Variants in TTLL9 observed in about 807,000 individuals in gnomAD.
TTLL9 encodes tubulin tyrosine ligase like 9, also known as probable tubulin polyglutamylase TTLL9.
Under a neutral mutation model 65.6 loss-of-function variants are expected in TTLL9, and 47 were observed. The observed-to-expected ratio is 0.72, with a 90% CI of 0.57 to 0.91. The LOEUF is 0.91. Ranked by LOEUF, TTLL9 falls within the 40% of genes least tolerant of loss-of-function variation. The pLI is 0.00. For synonymous variants in TTLL9, 179 were observed against 204.8 expected (o/e 0.87, Z 1.07); for missense variants, 537 against 568.8 (o/e 0.94, Z 0.57).
Position 31,943,836 on chromosome 20 carries a change from G to A in TTLL9, c.*815G>A, listed in dbSNP as rs1239284845. The A allele has an allele frequency of 2.2e-6, 1 of 456,500 alleles. No homozygotes were observed. Among genetic ancestry groups the A allele is most frequent in the African/African-American group, 2.0e-5 (1 of 50,050 alleles). 28.3% of individuals were successfully genotyped at this position (456,500 alleles called of 1,614,324 possible). ...TGGGCTCATGGGCAGGACAGCTTCGGGAGTTGAGTGTGAGTAAAAATCTGC... is the reference window on the plus strand; with the variant it reads ...TGGGCTCATGGGCAGGACAGCTTCGAGAGTTGAGTGTGAGTAAAAATCTGC... On this transcript the variant is annotated 3_prime_UTR_variant, in exon 15 of 15. Transcript: ENST00000535842.
At chr20:31,895,032 C>T (rs1419153632) in intron 3 of TTLL9, among the ~76,000 whole-genome samples, 1 of 151,960 alleles carries the variant, frequency 6.6e-6, no homozygotes, top group Non-Finnish European at 1.5e-5. Flanking sequence ...TTTCATCCAT[C>T]AACATAAAAA....
chr20:31,920,053 GC>G, intron 7 of TTLL9, 121 bp downstream of exon 7: 1 of 856,500 alleles, frequency 1.2e-6, no homozygotes, highest in Non-Finnish European at 1.7e-6. Context: ...CCACAGGTCT[GC>G]CCATTGGAGC....
intron 11 of TTLL9, 64 bp downstream of exon 11, chr20:31,933,922 G>A (rs2064062062): frequency 6.6e-7 from 1 of 1,516,568 alleles, no homozygotes; most frequent in Non-Finnish European, 8.9e-7. Context: ...GGGTGGGGAG[G>A]GTGGAGTGGC....
At chr20:31,922,670 G>A (rs1191142607) in intron 7 of TTLL9, among the ~76,000 whole-genome samples, 1 of 152,210 alleles carries the variant, frequency 6.6e-6, no homozygotes, top group African/African-American at 2.4e-5. Context: ...TGCGGCCAGT[G>A]ACTGCCCTAC....
At chr20:31,899,643 AAGAG>A (rs60817314) in intron 4 of TTLL9, among the ~76,000 whole-genome samples, 15,655 of 151,588 alleles carry the variant, frequency 0.1, 823 homozygotes, top group Middle Eastern at 0.23. Flanking sequence ...CAAAAAAAAA[AAGAG>A]AGAGAGAGAA....
intron 2 of TTLL9, among the ~76,000 whole-genome samples, chr20:31,873,737 A>AG (rs1317833818): frequency 4.5e-5 from 6 of 133,726 alleles, no homozygotes; most frequent in East Asian, 4.1e-4. Flanking sequence ...AAAGAAAGAA[A>AG]AAGGAAGGAA....
chr20:31,937,277 G>T, intron 12 of TTLL9, 119 bp from the exon 13 acceptor site: 2 of 648,212 alleles, frequency 3.1e-6, no homozygotes, highest in Non-Finnish European at 5.5e-6. Flanking sequence ...GAAAGGTAGA[G>T]AGAGTAGCCT....
At chr20:31,890,142 C>CTTCT (rs2063279111) in intron 3 of TTLL9, among the ~76,000 whole-genome samples, 1 of 25,124 alleles carries the variant, frequency 4.0e-5, no homozygotes, top group Non-Finnish European at 7.7e-5. Flanking sequence ...TCCTTCCTTC[C>CTTCT]TTCCTTCCTT....
Position 31,909,794 on chromosome 20 carries a change from C to G in TTLL9, c.376C>G (p.Arg126Gly). 1.2e-6 allele frequency: 2 copies of G among 1,614,142 alleles called. No individual in the cohort carries two copies. Among genetic ancestry groups the G allele is most frequent in the South Asian group, 2.2e-5 (2 of 91,072 alleles). ...GAAGCGGTTCCGGAAGCAGCTGGAG[C>G]GTGAGGCAGGAAAGCTGGAGGCAGC... ...NLKRFRKQLE[R>G]EAGKLEAAKC... The change falls in exon 6 of 15, where the codon CGT (arginine) becomes GGT (glycine). Residue 126 changes from arginine to glycine, a missense_variant. Physicochemically the swap from Arg to Gly is moderately radical, Grantham distance 125 (BLOSUM62 -2). Coordinates refer to ENST00000535842, the MANE Select transcript of TTLL9 (RefSeq NM_001008409.5).
rs917769768 is a variant in TTLL9 at position 31,917,262 on chromosome 20, C to T, written c.505-2602C>T. 3.9e-5 allele frequency among the ~76,000 whole-genome samples: 6 copies of T among 152,254 alleles called. No homozygotes were observed. In the South Asian group the frequency reaches 1.0e-3, roughly 26 times the overall value. ...CACAACCCCCCAAGGCACTAAACATCGTAGGTTTGCTTTGTCTGCTTTTGG... is the reference window on the plus strand; with the variant it reads ...CACAACCCCCCAAGGCACTAAACATTGTAGGTTTGCTTTGTCTGCTTTTGG... On this transcript the variant is annotated intron_variant, in intron 6 of 14. Coordinates refer to ENST00000535842, the MANE Select transcript of TTLL9 (RefSeq NM_001008409.5).
chr20:31,881,031 G>A (rs949132291), intron 2 of TTLL9, among the ~76,000 whole-genome samples: 19 of 151,696 alleles, frequency 1.3e-4, no homozygotes, highest in Admixed American at 9.2e-4. Flanking sequence ...TTTAGTTTGT[G>A]TAGAGACAGA....
intron 2 of TTLL9, among the ~76,000 whole-genome samples, chr20:31,883,688 A>G (rs2063149966): frequency 6.6e-6 from 1 of 152,178 alleles, no homozygotes; most frequent in African/African-American, 2.4e-5. Flanking sequence ...AATGAATTAT[A>G]TAATTGCATA....
rs1366695678 is a variant in TTLL9, at chr20:31,925,010, C to G, written c.666C>G (p.Gly222=). 2.5e-6 allele frequency: 4 copies of G among 1,614,114 alleles called. No individual in the cohort carries two copies. The highest frequency in any genetic ancestry group is 3.4e-6 in the Non-Finnish European group (4 of 1,179,982). Residue 222 remains glycine, a splice_region_variant and synonymous_variant, in exon 9 of 15, where the codon GGC becomes GGG. Coordinates refer to ENST00000535842, the MANE Select transcript of TTLL9 (RefSeq NM_001008409.5). ...RYIENPYLIG[G]RKFDLRVYVL... Reference sequence around the variant, plus strand: ...ATTAATTTTTTCCTTGCCTGACAGGCCGCAAGTTTGACCTGCGTGTCTATG... The same window carrying G: ...ATTAATTTTTTCCTTGCCTGACAGGGCGCAAGTTTGACCTGCGTGTCTATG...
At chr20:31,885,857 G>A (rs1199893150) in intron 2 of TTLL9, among the ~76,000 whole-genome samples, 1 of 152,204 alleles carries the variant, frequency 6.6e-6, no homozygotes, top group East Asian at 1.9e-4. Context: ...CTTGGAGAGG[G>A]GAGGATTGGA....
chr20:31,893,458 T>G (rs930386362), intron 3 of TTLL9, among the ~76,000 whole-genome samples: 1 of 151,964 alleles, frequency 6.6e-6, no homozygotes, highest in African/African-American at 2.4e-5. Flanking sequence ...GCCTGGCTAA[T>G]TTTTGTATTT....
intron 4 of TTLL9, chr20:31,901,184 T>G (rs530221565): frequency 6.6e-6 from 1 of 152,342 alleles, no homozygotes; most frequent in Admixed American, 6.5e-5. Context: ...CATGAAGCCT[T>G]GGAACTATAG....
chr20:31,905,809 G>A (rs1347850195), intron 4 of TTLL9, among the ~76,000 whole-genome samples: 5 of 152,096 alleles, frequency 3.3e-5, no homozygotes, highest in South Asian at 2.1e-4. Flanking sequence ...CAAGGCAGGC[G>A]GATCACCTGA....
At chr20:31,939,038 G>GA (rs2064162661) in intron 13 of TTLL9, 104 bp from the exon 14 acceptor site, 1 of 1,335,582 alleles carries the variant, frequency 7.5e-7, no homozygotes, top group East Asian at 2.7e-5. Context: ...ACTTCTGAGG[G>GA]ACGGACATCA....
chr20:31,887,254 C>G lies in TTLL9; in HGVS notation c.113+15C>G, dbSNP rs2063205408. On this transcript the variant is annotated intron_variant, in intron 3 of 14. Coordinates refer to ENST00000535842, the MANE Select transcript of TTLL9 (RefSeq NM_001008409.5). ...GGAAAAGAGCGGTGAGTGGTCCCATCCAATCCAACAATCACAGCGCAACCA... is the reference window on the plus strand; with the variant it reads ...GGAAAAGAGCGGTGAGTGGTCCCATGCAATCCAACAATCACAGCGCAACCA... 2.7e-5 allele frequency: 43 copies of G among 1,614,138 alleles called. No homozygotes were observed. Among genetic ancestry groups the G allele is most frequent in the Non-Finnish European group, 3.6e-5 (43 of 1,180,018 alleles).
Sources: gnomAD v4.1 joint callset for allele counts (sites outside exome capture counted in the v4.1 genomes callset) on GRCh38, gnomAD v4.1.1 for gene constraint, MANE v1.5 for transcripts, NCBI Gene and HGNC (gene_info 2026-07-23, HGNC 2026-07-21) for gene names.